Variants in CRMP1 observed in about 807,000 individuals in gnomAD.
The protein encoded by CRMP1 is collapsin response mediator protein 1.
Under a neutral mutation model 68.3 loss-of-function variants are expected in CRMP1, and 19 were observed. That is an observed-to-expected ratio of 0.28 (90% CI 0.19 to 0.41). CRMP1 has a LOEUF of 0.41. Among genes scored for constraint, CRMP1 ranks in the 10% least tolerant of loss-of-function variants. The pLI is 1.00. For missense variants in CRMP1, 791 were observed against 967.4 expected, an observed-to-expected ratio of 0.82 and a Z score of 2.42; for synonymous variants, 439 against 399.6, an observed-to-expected ratio of 1.10 and a Z score of -1.18.
At chr4:5,830,288 C>G (rs1243037307) in intron 11 of CRMP1, among the ~76,000 whole-genome samples, 4 of 152,144 alleles carry the variant, frequency 2.6e-5, no homozygotes, top group African/African-American at 4.8e-5. Flanking sequence ...CTCCCTGGTC[C>G]TCTGTCTCTG....
At position 5,836,067 on chromosome 4, in the gene CRMP1, C is replaced by T. The variant is rs1802724; in HGVS notation, c.1471G>A (p.Glu491Lys). Reference protein sequence around the residue: ...DKAVATGKMDENQFVAVTSTN... With the variant: ...DKAVATGKMDKNQFVAVTSTN... The stretch of plus-strand genomic sequence containing the variant: ...CTGGTGACAGCGACAAACTGGTTCT[C>T]ATCCATTTTGCCAGTAGCCTACAGG... The change falls in exon 11 of 14, where the codon GAG becomes AAG. Residue 491 changes from glutamate to lysine, a missense_variant. Physicochemically the swap from Glu to Lys is moderately conservative, Grantham distance 56. Transcript: ENST00000324989. 3.3e-6 allele frequency: 5 copies of T among 1,532,816 alleles called. No homozygotes were observed. Among genetic ancestry groups the T allele is most frequent in the African/African-American group, 1.4e-5 (1 of 71,114 alleles). 95.0% of individuals were successfully genotyped at this position (1,532,816 alleles called of 1,614,324 possible).
rs1715779429 is a variant in CRMP1 at position 5,888,614 on chromosome 4, T to C, written c.381+3975A>G. 9.9e-7 allele frequency: 1 copy of C among 1,008,598 alleles called. No homozygotes were observed. The highest frequency in any genetic ancestry group is 6.0e-5 in the Admixed American group (1 of 16,760). 62.5% of individuals were successfully genotyped at this position (1,008,598 alleles called of 1,614,324 possible). A position where few individuals can be genotyped will look rare whatever the true frequency, so the allele number is the denominator to read the frequency against. Reference sequence around the variant, plus strand: ...GAACCAGGAAGCGCTTCCCTTCCGATCTCCCACCCCGCCCCCCGCCCCCCA... The same window carrying C: ...GAACCAGGAAGCGCTTCCCTTCCGACCTCCCACCCCGCCCCCCGCCCCCCA... On this transcript the variant is annotated intron_variant, in intron 1 of 13. Coordinates refer to ENST00000324989, the MANE Select transcript of CRMP1 (RefSeq NM_001014809.3). The surrounding 1 kb of genome is among the most constrained non-coding windows in gnomAD (Gnocchi z 6.4).
In CRMP1 at chr4:5,849,530, G is replaced by A. The variant is rs138108389; in HGVS notation, c.883-58C>T. On this transcript the variant is annotated intron_variant, in intron 5 of 13. Transcript: ENST00000324989. ...TTTAAAAAAAAAAAAAAATCACAGC[G>A]TGTGCATTCATGAAGACCGTTCCGA... The A allele has an allele frequency of 7.5e-4, 888 of 1,182,092 alleles. 3 individuals carry two copies. The African/African-American group carries it at 9.6e-3, about 13-fold the overall frequency. The allele number at this position is 1,182,092 out of a possible 1,614,324, so 73.2% of individuals were successfully genotyped here. A position where few individuals can be genotyped will look rare whatever the true frequency, so the allele number is the denominator to read the frequency against.
rs1345698154 is a variant in CRMP1 at position 5,820,936 on chromosome 4, G to A, written c.*824C>T. 1.3e-5 allele frequency: 2 copies of A among 152,234 alleles called. No individual in the cohort carries two copies. The highest frequency in any genetic ancestry group is 2.9e-5 in the Non-Finnish European group (2 of 68,052). The allele number at this position is 152,234 out of a possible 1,614,324, so 9.4% of individuals were successfully genotyped here. A position where few individuals can be genotyped will look rare whatever the true frequency, so the allele number is the denominator to read the frequency against. On this transcript the variant is annotated 3_prime_UTR_variant, in exon 14 of 14. Coordinates refer to ENST00000324989, the MANE Select transcript of CRMP1 (RefSeq NM_001014809.3). Reference sequence around the variant, plus strand: ...TCTGACTGCCCCGTCAACTGCCTCAGAGGGACCAGGACTCAGGCCACGCAG... The same window carrying A: ...TCTGACTGCCCCGTCAACTGCCTCAAAGGGACCAGGACTCAGGCCACGCAG...
intron 4 of CRMP1, among the ~76,000 whole-genome samples, chr4:5,852,087 T>C (rs1712700732): frequency 6.6e-6 from 1 of 152,186 alleles, no homozygotes; most frequent in Non-Finnish European, 1.5e-5. Flanking sequence ...GCATCTGCAA[T>C]ACGGAAGATG....
At chr4:5,871,528 C>T (rs1365228096) in intron 1 of CRMP1, among the ~76,000 whole-genome samples, 2 of 151,984 alleles carry the variant, frequency 1.3e-5, no homozygotes, top group African/African-American at 2.4e-5. Flanking sequence ...GGCGTGGTGG[C>T]GCACGCCTGT....
Position 5,889,502 on chromosome 4 carries a change from T to C in CRMP1, c.381+3087A>G. On this transcript the variant is annotated intron_variant, in intron 1 of 13. Transcript: ENST00000324989. This position sits in a 1 kb window ranked among gnomAD's most constrained non-coding sequence, Gnocchi z 4.5. The stretch of plus-strand genomic sequence containing the variant: ...GTGGGCAGGAAGCCAGGTCACAGCT[T>C]GACAAGGTCCGTAACAGCAGAGGGG... The C allele has an allele frequency of 4.7e-6, 7 of 1,475,398 alleles. No individual in the cohort carries two copies. The highest frequency in any genetic ancestry group is 6.4e-6 in the Non-Finnish European group (7 of 1,093,900). The allele number at this position is 1,475,398 out of a possible 1,614,324, so 91.4% of individuals were successfully genotyped here.
At position 5,866,701 on chromosome 4, in the gene CRMP1, T is replaced by G; in HGVS notation, c.437A>C (p.Tyr146Ser). ...GRIINDDQSL[Y>S]ADVYLEDGLI... The stretch of plus-strand genomic sequence containing the variant: ...TCCATCCTCCAGGTAGACGTCAGCA[T>G]AAAGGGATTGGTCATCGTTGATGAT... The change falls in exon 2 of 14, where the codon TAT (tyrosine) becomes TCT (serine). Residue 146 changes from tyrosine (Y) to serine (S), a missense_variant. Transcript: ENST00000324989. This position sits in a 1 kb window ranked among gnomAD's most constrained non-coding sequence, Gnocchi z 5.9. The G allele has an allele frequency of 1.2e-6, 2 of 1,613,192 alleles. No homozygotes were observed. Among genetic ancestry groups the G allele is most frequent in the Non-Finnish European group, 1.7e-6 (2 of 1,179,928 alleles).
chr4:5,887,928 G>A (rs1715713549), intron 1 of CRMP1: 3 of 615,478 alleles, frequency 4.9e-6, no homozygotes, highest in Non-Finnish European at 6.7e-6. Flanking sequence ...GTTCGGCTCC[G>A]CATCCTCCCT....
intron 9 of CRMP1, 104 bp from the exon 10 acceptor site, chr4:5,837,010 G>C (rs1437049888): frequency 2.3e-6 from 3 of 1,331,970 alleles, no homozygotes; most frequent in Non-Finnish European, 3.1e-6. Flanking sequence ...TGAATGAATA[G>C]ATAAGGAAGC....
chr4:5,855,164 A>G lies in CRMP1; in HGVS notation c.820+979T>C, dbSNP rs548636237. ...GGAAAAATCATCCAAATACACAGGGAATGGAAAGCAATAATCCTGCACATT... is the reference window on the plus strand; with the variant it reads ...GGAAAAATCATCCAAATACACAGGGGATGGAAAGCAATAATCCTGCACATT... On this transcript the variant is annotated intron_variant, in intron 4 of 13. Transcript: ENST00000324989. The surrounding 1 kb of genome is among the most constrained non-coding windows in gnomAD (Gnocchi z 4.9). Among the ~76,000 whole-genome samples the G allele has an allele frequency of 3.0e-4, 45 of 152,366 alleles. No homozygotes were observed. Among genetic ancestry groups the G allele is most frequent in the Middle Eastern group, 6.8e-3 (2 of 294 alleles).
At position 5,859,570 on chromosome 4, in the gene CRMP1, G is replaced by A. The variant is rs1280478292; in HGVS notation, c.655+1456C>T. Among the ~76,000 whole-genome samples, 1 of 152,236 alleles carries A rather than the reference G, an allele frequency of 6.6e-6. No homozygotes were observed. Among genetic ancestry groups the A allele is most frequent in the Non-Finnish European group, 1.5e-5 (1 of 68,046 alleles). ...ACCATAAGGCCCACATTATAGATGA[G>A]GAAGCTGAGGCTCAGAGAGGCTGAG... On this transcript the variant is annotated intron_variant, in intron 3 of 13. Transcript: ENST00000324989. This position sits in a 1 kb window ranked among gnomAD's most constrained non-coding sequence, Gnocchi z 5.2.
chr4:5,866,397 G>A lies in CRMP1; in HGVS notation c.470+271C>T, dbSNP rs566736912. Reference sequence around the variant, plus strand: ...TCCAAAACCACAAAACAGGAAACGTGTCTGCATTTTGCAGCCTTTGTGTGA... The same window carrying A: ...TCCAAAACCACAAAACAGGAAACGTATCTGCATTTTGCAGCCTTTGTGTGA... On this transcript the variant is annotated intron_variant, in intron 2 of 13. Coordinates refer to ENST00000324989, the MANE Select transcript of CRMP1 (RefSeq NM_001014809.3). This position sits in a 1 kb window ranked among gnomAD's most constrained non-coding sequence, Gnocchi z 5.9. 6.6e-5 allele frequency among the ~76,000 whole-genome samples: 10 copies of A among 152,228 alleles called. No individual in the cohort carries two copies. The highest frequency in any genetic ancestry group is 1.5e-4 in the Non-Finnish European group (10 of 68,042).
intron 1 of CRMP1, among the ~76,000 whole-genome samples, chr4:5,878,593 C>T (rs557754660): frequency 3.3e-5 from 5 of 152,172 alleles, no homozygotes; most frequent in East Asian, 3.9e-4. Context: ...AACAAAGAGG[C>T]GATGTTTGGA....
intron 9 of CRMP1, 37 bp downstream of exon 9, chr4:5,839,485 G>T: frequency 6.4e-7 from 1 of 1,574,776 alleles, no homozygotes. Flanking sequence ...AAAGGCCCCA[G>T]CTGCCTCCCC....
rs113231255 is a variant in CRMP1 at position 5,879,855 on chromosome 4, C to CAA, written c.381+12732_381+12733dup. Among the ~76,000 whole-genome samples the CAA allele has an allele frequency of 0.064, 8,647 of 136,140 alleles. 310 individuals are homozygous for CAA. The highest frequency in any genetic ancestry group is 0.11 in the South Asian group (472 of 4,270). The allele number at this position is 136,140 out of a possible 152,430, so 89.3% of individuals were successfully genotyped here. On this transcript the variant is annotated intron_variant, in intron 1 of 13. Transcript: ENST00000324989. The surrounding 1 kb of genome is among the most constrained non-coding windows in gnomAD (Gnocchi z 4.2). ...CTGCATGTTCAGAAATAAAATATAG[C>CAA]AAAAAAAAAAATGAGACGAAAGGAA...
chr4:5,837,032 A>G lies in CRMP1; in HGVS notation c.1311-126T>C, dbSNP rs1023319776. On this transcript the variant is annotated intron_variant, in intron 9 of 13. Coordinates refer to ENST00000324989, the MANE Select transcript of CRMP1 (RefSeq NM_001014809.3). ...ATAGATAAGGAAGCCAGTGGGTAAG[A>G]GAGACTCTCTAGCGTGTGCCTGCAC... 6.4e-6 allele frequency: 7 copies of G among 1,098,800 alleles called. No homozygotes were observed. The Admixed American group carries it at 1.0e-4, about 16-fold the overall frequency. The allele number at this position is 1,098,800 out of a possible 1,614,324, so 68.1% of individuals were successfully genotyped here. A position where few individuals can be genotyped will look rare whatever the true frequency, so the allele number is the denominator to read the frequency against.
In CRMP1 at chr4:5,883,084, C is replaced by T. The variant is rs928552534; in HGVS notation, c.381+9505G>A. ...ATTCCACCCACCTTGCATGCCCTTC[C>T]CTTCCCTCAACCAATCAAGTCCCTC... On this transcript the variant is annotated intron_variant, in intron 1 of 13. Transcript: ENST00000324989. This position sits in a 1 kb window ranked among gnomAD's most constrained non-coding sequence, Gnocchi z 4.5. 1.3e-5 allele frequency among the ~76,000 whole-genome samples: 2 copies of T among 152,104 alleles called. No individual in the cohort carries two copies. The highest frequency in any genetic ancestry group is 4.8e-5 in the African/African-American group (2 of 41,410).
At chr4:5,827,398 G>A (rs568243481) in intron 12 of CRMP1, among the ~76,000 whole-genome samples, 5 of 152,266 alleles carry the variant, frequency 3.3e-5, no homozygotes, top group Middle Eastern at 3.4e-3. Context: ...GCATCTGTGC[G>A]ACTTGGTGTC....
Sources: allele counts gnomAD v4.1 joint callset (sites outside exome capture counted in the v4.1 genomes callset), GRCh38; gene constraint gnomAD v4.1.1; non-coding constraint Gnocchi (gnomAD v3.1); transcripts MANE v1.5; gene names NCBI Gene and HGNC (gene_info 2026-07-23, HGNC 2026-07-21).